HSD17B4: variants seen among roughly 807,000 people sequenced by gnomAD.
HSD17B4 encodes the protein peroxisomal multifunctional enzyme type 2.
HSD17B4 carries 70 observed loss-of-function variants against 101.0 expected under a neutral mutation model. The ratio of observed to expected loss-of-function variants is 0.69; its 90% confidence interval spans 0.57 to 0.85. The LOEUF (loss-of-function observed/expected upper bound fraction) is 0.85, where lower values mean the gene tolerates loss of function less well. Among genes scored for constraint, HSD17B4 ranks in the 40% least tolerant of loss-of-function variants. HSD17B4 has a pLI of 0.00. For missense variants in HSD17B4, 984 were observed against 892.4 expected (o/e 1.10, Z -1.31); for synonymous variants, 347 against 297.1 (o/e 1.17, Z -1.73).
At chr5:119,498,788 G>T (rs1056717600) in intron 12 of HSD17B4, among the ~76,000 whole-genome samples, 1 of 152,188 alleles carries the variant, frequency 6.6e-6, no homozygotes, top group Non-Finnish European at 1.5e-5. Context: ...GCTGAGGCAG[G>T]AGAATTGCAT....
chr5:119,492,344 G>C, intron 10 of HSD17B4: 1 of 578,130 alleles, frequency 1.7e-6, no homozygotes, highest in Non-Finnish European at 3.1e-6. Context: ...CTTCCTGTAG[G>C]TAGTCCTTAT....
At chr5:119,522,105 GC>G (rs1580687777) in intron 17 of HSD17B4, among the ~76,000 whole-genome samples, 1 of 151,782 alleles carries the variant, frequency 6.6e-6, no homozygotes, top group East Asian at 1.9e-4. Flanking sequence ...CCCACAACAG[GC>G]CCCGGTGTGT....
intron 2 of HSD17B4, among the ~76,000 whole-genome samples, chr5:119,460,121 C>T (rs1386878940): frequency 4.6e-5 from 7 of 151,550 alleles, no homozygotes; most frequent in East Asian, 3.9e-4. Flanking sequence ...GTGATCCGCC[C>T]GCCTCGGCCT....
chr5:119,462,908 G>A (rs1755409089), intron 2 of HSD17B4, among the ~76,000 whole-genome samples: 1 of 151,934 alleles, frequency 6.6e-6, no homozygotes. Context: ...AATTATTGTT[G>A]GCCATAATCA....
chr5:119,504,515 G>C (rs1394043444), intron 14 of HSD17B4, among the ~76,000 whole-genome samples: 4 of 152,050 alleles, frequency 2.6e-5, no homozygotes, highest in Non-Finnish European at 5.9e-5. Flanking sequence ...GTTTTGATTT[G>C]CATTTCTCTG....
Position 119,461,600 on chromosome 5 carries a change from G to C in HSD17B4, c.112+5232G>C, listed in dbSNP as rs549001378. Among the ~76,000 whole-genome samples the C allele has an allele frequency of 3.9e-5, 6 of 152,190 alleles. No homozygotes were observed. The South Asian group carries it at 1.2e-3, about 32-fold the overall frequency. On this transcript the variant is annotated intron_variant, in intron 2 of 23. Transcript: ENST00000510025. The stretch of plus-strand genomic sequence containing the variant: ...TGTGTTTTAGAATTCCTTGGATCCT[G>C]GCTGGGTGCAGTGGCTCACGCCTGT...
chr5:119,521,419 A>G (rs974035918), intron 17 of HSD17B4, among the ~76,000 whole-genome samples: 1 of 152,076 alleles, frequency 6.6e-6, no homozygotes, highest in African/African-American at 2.4e-5. Flanking sequence ...ATGTATATTC[A>G]TGTCTTTTAG....
Position 119,489,348 on chromosome 5 carries a change from T to C in HSD17B4, c.714+65T>C. 6.1e-6 allele frequency: 6 copies of C among 989,516 alleles called. No individual in the cohort carries two copies. In the Admixed American group the frequency reaches 1.0e-4, roughly 17 times the overall value. The allele number at this position is 989,516 out of a possible 1,614,324, so 61.3% of individuals were successfully genotyped here. A position where few individuals can be genotyped will look rare whatever the true frequency, so the allele number is the denominator to read the frequency against. ...AGTTGCTTACATTTGTAAAAATCTG[T>C]ACCAGTGGACATCACTTGTATATTT... On this transcript the variant is annotated intron_variant, in intron 9 of 23. Coordinates refer to ENST00000510025, the MANE Select transcript of HSD17B4 (RefSeq NM_000414.4).
chr5:119,474,498 T>C lies in HSD17B4; in HGVS notation c.280+38T>C, dbSNP rs775116215. ...TGTGTTATGGCTCTTGTGGAGCAAC[T>C]TCTACCTTCCTAATGAAATATTTTT... On this transcript the variant is annotated intron_variant, in intron 4 of 23. Transcript: ENST00000510025. 5.8e-5 allele frequency: 69 copies of C among 1,195,932 alleles called. No individual in the cohort carries two copies. In the South Asian group the frequency reaches 8.0e-4, roughly 14 times the overall value. The allele number at this position is 1,195,932 out of a possible 1,614,324, so 74.1% of individuals were successfully genotyped here. A position where few individuals can be genotyped will look rare whatever the true frequency, so the allele number is the denominator to read the frequency against.
At chr5:119,513,713 A>G (rs1752369375) in intron 16 of HSD17B4, among the ~76,000 whole-genome samples, 1 of 152,210 alleles carries the variant, frequency 6.6e-6, no homozygotes, top group Admixed American at 6.5e-5. Flanking sequence ...ACTAGATACC[A>G]TTCTCTAAGC....
At chr5:119,476,765 C>G in intron 6 of HSD17B4, 1 of 892,834 alleles carries the variant, frequency 1.1e-6, no homozygotes, top group Non-Finnish European at 1.3e-6. Flanking sequence ...GCCACTACTC[C>G]TGACTACCCT....
intron 2 of HSD17B4, among the ~76,000 whole-genome samples, chr5:119,467,398 C>T (rs1755915817): frequency 1.3e-5 from 2 of 152,120 alleles, no homozygotes; most frequent in Admixed American, 6.6e-5. Flanking sequence ...ATTGAAGTTC[C>T]CAACTATTAT....
At chr5:119,473,273 C>CTTTTTTTTTTTT (rs11408993) in intron 2 of HSD17B4, among the ~76,000 whole-genome samples, 5 of 36,962 alleles carry the variant, frequency 1.4e-4, no homozygotes, top group Admixed American at 4.6e-4. Flanking sequence ...GTGGATGAAT[C>CTTTTTTTTTTTT]TTTTTTTTTT....
At chr5:119,454,630 G>C (rs991683030) in intron 1 of HSD17B4, among the ~76,000 whole-genome samples, 3 of 150,790 alleles carry the variant, frequency 2.0e-5, no homozygotes, top group Non-Finnish European at 3.0e-5. Flanking sequence ...GGTTCTTTTT[G>C]TTTTTGTTTG....
chr5:119,541,952 C>T lies in HSD17B4; in HGVS notation c.2169C>T (p.Ser723=). 1 of 1,613,104 alleles carries T rather than the reference C, an allele frequency of 6.2e-7. No homozygotes were observed. The highest frequency in any genetic ancestry group is 8.5e-7 in the Non-Finnish European group (1 of 1,179,380). The change falls in exon 24 of 24, where the codon AGC becomes AGT. Residue 723 remains serine (S), a synonymous_variant. Coordinates refer to ENST00000510025, the MANE Select transcript of HSD17B4 (RefSeq NM_000414.4). ...RLKARGNIML[S]QKLQMILKDY... is the part of the protein sequence containing the mutation. ...AGGCCAGAGGGAACATCATGCTGAG[C>T]CAGAAACTTCAGATGATTCTTAAAG...
chr5:119,499,574 T>G (rs1750968905), intron 13 of HSD17B4, 21 bp downstream of exon 13: 2 of 1,389,238 alleles, frequency 1.4e-6, no homozygotes, highest in Non-Finnish European at 2.1e-6. Flanking sequence ...TAAAAAACCT[T>G]TATTTTGCTT....
intron 2 of HSD17B4, among the ~76,000 whole-genome samples, chr5:119,470,998 T>C (rs2126671123): frequency 6.6e-6 from 1 of 152,352 alleles, no homozygotes; most frequent in East Asian, 1.9e-4. Flanking sequence ...CAGCTTTCAA[T>C]GCTTGCCTGC....
rs545004718 is a variant in HSD17B4 at position 119,537,470 on chromosome 5, A to T, written c.2121+920A>T. Among the ~76,000 whole-genome samples the T allele has an allele frequency of 5.3e-5, 8 of 152,232 alleles. No individual in the cohort carries two copies. The East Asian group carries it at 1.2e-3, about 22-fold the overall frequency. On this transcript the variant is annotated intron_variant, in intron 23 of 23. Transcript: ENST00000510025. Reference sequence around the variant, plus strand: ...AGTACAGTGCTTGGCAATGCAGTGAACCCTCTGTTAATTTCTTTCCAGGAA... The same window carrying T: ...AGTACAGTGCTTGGCAATGCAGTGATCCCTCTGTTAATTTCTTTCCAGGAA...
At chr5:119,520,166 T>A (rs917208577) in intron 17 of HSD17B4, among the ~76,000 whole-genome samples, 8 of 149,548 alleles carry the variant, frequency 5.3e-5, no homozygotes, top group Non-Finnish European at 8.9e-5. Flanking sequence ...TTTTTTTTTT[T>A]AAACAATGAT....
Sources: gnomAD v4.1 joint callset for allele counts (sites outside exome capture counted in the v4.1 genomes callset) on GRCh38, gnomAD v4.1.1 for gene constraint, MANE v1.5 for transcripts, NCBI Gene and HGNC (gene_info 2026-07-23, HGNC 2026-07-21) for gene names.